LIMK2: variants seen among roughly 807,000 people sequenced by gnomAD.
The protein encoded by LIMK2 is LIM domain kinase 2.
LIMK2 carries 35 observed loss-of-function variants against 75.7 expected under a neutral mutation model. The observed-to-expected ratio is 0.46, with a 90% CI of 0.35 to 0.61. The LOEUF (loss-of-function observed/expected upper bound fraction) is 0.61, where lower values mean the gene tolerates loss of function less well. Ranked by LOEUF, LIMK2 falls within the 20% of genes least tolerant of loss-of-function variation. The pLI, the probability that LIMK2 is intolerant of heterozygous loss-of-function variation, is 0.00. For synonymous variants in LIMK2, 301 were observed against 319.2 expected, an observed-to-expected ratio of 0.94 and a Z score of 0.61; for missense variants, 623 against 831.0, an observed-to-expected ratio of 0.75 and a Z score of 3.08.
chr22:31,250,528 T>C (rs1336490494), intron 2 of LIMK2, among the ~76,000 whole-genome samples: 1 of 152,094 alleles, frequency 6.6e-6, no homozygotes, highest in Non-Finnish European at 1.5e-5. Flanking sequence ...CCAAGCTCCG[T>C]TTGCCCAGCT....
intron 1 of LIMK2, among the ~76,000 whole-genome samples, chr22:31,222,564 G>A (rs2048444613): frequency 6.6e-6 from 1 of 151,130 alleles, no homozygotes; most frequent in African/African-American, 2.4e-5. Context: ...TAGTAGAGGT[G>A]GGGTTTTACC....
chr22:31,261,384 A>G (rs1038794514), intron 5 of LIMK2, among the ~76,000 whole-genome samples: 11 of 152,128 alleles, frequency 7.2e-5, no homozygotes, highest in Admixed American at 7.2e-4. Context: ...CGTCTCTACT[A>G]AAAGTACAAA....
rs779076353 is a variant in LIMK2, at chr22:31,229,263, A to C, written c.116+3444A>C. Among the ~76,000 whole-genome samples, 3 of 152,168 alleles carry C rather than the reference A, an allele frequency of 2.0e-5. 1 individual carries two copies. Among genetic ancestry groups the C allele is most frequent in the Admixed American group, 2.0e-4 (3 of 15,286 alleles). On this transcript the variant is annotated intron_variant, in intron 2 of 15. Transcript: ENST00000331728. ...CCTGACTTCTGAGCTTTCCCCTGGT[A>C]AATTCAAACTGGATGTCACGGCGCC... is the stretch of plus-strand genomic sequence containing the variant.
At chr22:31,257,645 G>A (rs1484798307) in intron 2 of LIMK2, among the ~76,000 whole-genome samples, 3 of 152,112 alleles carry the variant, frequency 2.0e-5, no homozygotes, top group Admixed American at 6.6e-5. Context: ...TTGAGGCATT[G>A]TATTTGGTTG....
chr22:31,224,678 A>G (rs2048464048), intron 1 of LIMK2, among the ~76,000 whole-genome samples: 1 of 152,200 alleles, frequency 6.6e-6, no homozygotes, highest in Non-Finnish European at 1.5e-5. Context: ...TTTTATACCC[A>G]TTACTTTTCT....
chr22:31,275,201 C>T lies in LIMK2; in HGVS notation c.1665C>T (p.Asp555=). ...CTGACTGCCTTCCCCGAACACTGGA[C>T]TTTGGCCTCAACGTGAAGCTTTTCT... The part of the protein sequence containing the change: ...ADPDCLPRTL[D]FGLNVKLFWE... The change falls in exon 15 of 16, where the codon GAC becomes GAT. Residue 555 remains aspartate, a synonymous_variant. Coordinates refer to ENST00000331728, the MANE Select transcript of LIMK2 (RefSeq NM_005569.4). 6.2e-7 allele frequency: 1 copy of T among 1,614,206 alleles called. No individual in the cohort carries two copies.
intron 2 of LIMK2, among the ~76,000 whole-genome samples, chr22:31,251,550 C>T (rs973340764): frequency 2.0e-5 from 3 of 152,190 alleles, no homozygotes; most frequent in African/African-American, 7.2e-5. Context: ...AGTACAACTA[C>T]ACAAAATACT....
chr22:31,215,416 A>G (rs2048381561), intron 1 of LIMK2, among the ~76,000 whole-genome samples: 2 of 152,334 alleles, frequency 1.3e-5, no homozygotes, highest in Admixed American at 6.5e-5. Flanking sequence ...TTTACCTCTT[A>G]TAAATTTTAA....
chr22:31,212,701 A>T (rs1342160480), intron 1 of LIMK2, among the ~76,000 whole-genome samples: 1 of 151,806 alleles, frequency 6.6e-6, no homozygotes, highest in Non-Finnish European at 1.5e-5. Context: ...CCCGGGGAGG[A>T]AGAGATTCTG....
chr22:31,242,800 T>C (rs1346897025), intron 2 of LIMK2, among the ~76,000 whole-genome samples: 3 of 152,272 alleles, frequency 2.0e-5, no homozygotes, highest in Admixed American at 6.5e-5. Context: ...GAGTAGCAGA[T>C]ACTAAACTCT....
rs1366089482 is a variant in LIMK2, at chr22:31,278,540, T to C, written c.*99T>C. 7.5e-7 allele frequency: 1 copy of C among 1,337,242 alleles called. No individual in the cohort carries two copies. The highest frequency in any genetic ancestry group is 1.0e-6 in the Non-Finnish European group (1 of 997,508). The allele number at this position is 1,337,242 out of a possible 1,614,324, so 82.8% of individuals were successfully genotyped here. On this transcript the variant is annotated 3_prime_UTR_variant, in exon 16 of 16. Transcript: ENST00000331728. ...CAGGGCCGTCCGGGCTTCCTGTGGA[T>C]TGGCGGAATGTTTAGAAGCAGAACA...
chr22:31,266,567 A>T (rs1177130863), intron 8 of LIMK2, among the ~76,000 whole-genome samples: 1 of 152,000 alleles, frequency 6.6e-6, no homozygotes, highest in East Asian at 1.9e-4. Flanking sequence ...CGTGTGTCTC[A>T]GCTTGGGGGC....
At chr22:31,239,384 A>G (rs2048605683) in intron 2 of LIMK2, among the ~76,000 whole-genome samples, 1 of 152,216 alleles carries the variant, frequency 6.6e-6, no homozygotes, top group Admixed American at 6.5e-5. Context: ...CCTCCTGTCT[A>G]ATTGCTGCCC....
Position 31,262,618 on chromosome 22 carries a change from G to C in LIMK2, c.681G>C (p.Thr227=). 6.2e-7 allele frequency: 1 copy of C among 1,613,420 alleles called. No homozygotes were observed. Among genetic ancestry groups the C allele is most frequent in the Non-Finnish European group, 8.5e-7 (1 of 1,179,586 alleles). The change falls in exon 7 of 16, where the codon ACG becomes ACC. Residue 227 remains threonine (T), a synonymous_variant. Transcript: ENST00000331728. The surrounding 1 kb of genome is among the most constrained non-coding windows in gnomAD (Gnocchi z 5.0). ...AGGTGGAGGATGCAATTAGCCAGAC[G>C]AGCCAGACACTTCAGCTGTTGATTG... ...VEEVEDAISQ[T]SQTLQLLIEH...
At chr22:31,277,090 C>T (rs759009313) in intron 15 of LIMK2, 1 of 1,613,968 alleles carries the variant, frequency 6.2e-7, no homozygotes. Context: ...CTCTGGCCTG[C>T]TGGACAAGAT....
intron 7 of LIMK2, among the ~76,000 whole-genome samples, chr22:31,265,445 T>A (rs1001419479): frequency 1.4e-5 from 2 of 144,882 alleles, no homozygotes; most frequent in Non-Finnish European, 3.0e-5. Flanking sequence ...GGCGGAGGCA[T>A]GAGACTCAGG....
At chr22:31,236,293 TAAAA>T (rs58401512) in intron 2 of LIMK2, among the ~76,000 whole-genome samples, 1 of 104,146 alleles carries the variant, frequency 9.6e-6, no homozygotes, top group Non-Finnish European at 2.0e-5. Context: ...AGACTCAGTC[TAAAA>T]AAAAAAAAAA....
chr22:31,276,559 G>A (rs965424024), intron 15 of LIMK2, among the ~76,000 whole-genome samples: 2 of 145,688 alleles, frequency 1.4e-5, no homozygotes, highest in African/African-American at 4.9e-5. Flanking sequence ...GCATGCTGCA[G>A]CTGCCCCCGG....
chr22:31,272,809 G>A (rs1404419114), intron 13 of LIMK2, 105 bp downstream of exon 13: 8 of 1,449,196 alleles, frequency 5.5e-6, no homozygotes, highest in Non-Finnish European at 7.3e-6. Context: ...GCGTAGGACC[G>A]GATACCCAGA....
Sources: gnomAD v4.1 joint callset for allele counts (sites outside exome capture counted in the v4.1 genomes callset) on GRCh38, gnomAD v4.1.1 for gene constraint, Gnocchi (gnomAD v3.1) non-coding constraint, MANE v1.5 for transcripts, NCBI Gene and HGNC (gene_info 2026-07-23, HGNC 2026-07-21) for gene names.